Variants in XRRA1 observed in about 807,000 individuals in gnomAD.
The protein encoded by XRRA1 is X-ray radiation resistance associated 1, also known as X-ray radiation resistance-associated protein 1.
Under a neutral mutation model 80.2 loss-of-function variants are expected in XRRA1, and 69 were observed. That is an observed-to-expected ratio of 0.86 (90% CI 0.71 to 1.05). The LOEUF (loss-of-function observed/expected upper bound fraction) is 1.05. Ranked by LOEUF, XRRA1 falls within the 50% of genes least tolerant of loss-of-function variation. The pLI, the probability that XRRA1 is intolerant of heterozygous loss-of-function variation, is 0.00. For missense variants in XRRA1, 967 were observed against 976.4 expected (o/e 0.99, Z 0.13); for synonymous variants, 348 against 389.9 (o/e 0.89, Z 1.27).
At chr11:74,930,901 C>T (rs1345102692) in intron 5 of XRRA1, among the ~76,000 whole-genome samples, 1 of 151,998 alleles carries the variant, frequency 6.6e-6, no homozygotes, top group Non-Finnish European at 1.5e-5. Context: ...ACTTCCCCAG[C>T]TCGGGTGATC....
chr11:74,939,267 T>C (rs895672365), intron 3 of XRRA1, among the ~76,000 whole-genome samples: 3 of 152,048 alleles, frequency 2.0e-5, no homozygotes, highest in Non-Finnish European at 4.4e-5. Flanking sequence ...CAGGAGAATC[T>C]CTTGAACCTG....
intron 10 of XRRA1, among the ~76,000 whole-genome samples, chr11:74,897,298 C>T (rs2052552707): frequency 6.6e-6 from 1 of 151,758 alleles, no homozygotes; most frequent in Non-Finnish European, 1.5e-5. Flanking sequence ...GCTCAACAGA[C>T]TATTTGAAAA....
intron 6 of XRRA1, among the ~76,000 whole-genome samples, chr11:74,929,816 CCTAA>C (rs1943092371): frequency 6.6e-6 from 1 of 152,176 alleles, no homozygotes; most frequent in Admixed American, 6.5e-5. Context: ...CTCATCCTGA[CCTAA>C]CTATCTGTAT....
chr11:74,850,563 C>G (rs2039527231), intron 14 of XRRA1, among the ~76,000 whole-genome samples: 1 of 152,178 alleles, frequency 6.6e-6, no homozygotes, highest in South Asian at 2.1e-4. Context: ...GAGCATTTCA[C>G]AGAAATTTTT....
chr11:74,862,242 C>A (rs1194545772), intron 11 of XRRA1, among the ~76,000 whole-genome samples: 1 of 152,092 alleles, frequency 6.6e-6, no homozygotes, highest in Non-Finnish European at 1.5e-5. Flanking sequence ...TATAAGTGAG[C>A]CTTGGTGGAG....
chr11:74,908,723 T>A (rs1327657546), intron 8 of XRRA1, among the ~76,000 whole-genome samples: 1 of 151,880 alleles, frequency 6.6e-6, no homozygotes, highest in East Asian at 1.9e-4. Flanking sequence ...AAGAAGTATG[T>A]GGGGAAGGCG....
chr11:74,852,981 G>T (rs897281902), intron 12 of XRRA1, among the ~76,000 whole-genome samples: 1 of 152,192 alleles, frequency 6.6e-6, no homozygotes, highest in African/African-American at 2.4e-5. Context: ...AGCCTTACTG[G>T]ATAGCACTAG....
Position 74,882,367 on chromosome 11 carries a change from C to T in XRRA1, c.1004-19346G>A, listed in dbSNP as rs544234095. Among the ~76,000 whole-genome samples the T allele has an allele frequency of 2.6e-5, 4 of 151,068 alleles. No homozygotes were observed. The East Asian group carries it at 7.8e-4, about 29-fold the overall frequency. On this transcript the variant is annotated intron_variant, in intron 10 of 18. Transcript: ENST00000684022. ...CCTTGGTTTTCAGCTCCATCAGCTC[C>T]TTTAAGCACTTCTCTGTATTGGTTA...
At chr11:74,905,795 C>T (rs1591286914) in intron 10 of XRRA1, among the ~76,000 whole-genome samples, 2 of 152,160 alleles carry the variant, frequency 1.3e-5, no homozygotes, top group South Asian at 4.2e-4. Context: ...CTCGGAGACA[C>T]CAGCAGCCAA....
chr11:74,887,271 G>A (rs2049263281), intron 10 of XRRA1, among the ~76,000 whole-genome samples: 1 of 152,158 alleles, frequency 6.6e-6, no homozygotes, highest in African/African-American at 2.4e-5. Flanking sequence ...ACTATCAACA[G>A]AGTAAACAGA....
At chr11:74,898,769 A>G (rs976439856) in intron 10 of XRRA1, among the ~76,000 whole-genome samples, 1 of 152,186 alleles carries the variant, frequency 6.6e-6, no homozygotes, top group Non-Finnish European at 1.5e-5. Flanking sequence ...AGATATATAA[A>G]GCAAGTATTA....
At chr11:74,883,543 C>CTTAA (rs2048268486) in intron 10 of XRRA1, among the ~76,000 whole-genome samples, 1 of 151,048 alleles carries the variant, frequency 6.6e-6, no homozygotes, top group South Asian at 2.1e-4. Context: ...CAGCGGGATT[C>CTTAA]TTAATATTCA....
intron 10 of XRRA1, among the ~76,000 whole-genome samples, chr11:74,895,235 A>G (rs975048710): frequency 9.9e-5 from 15 of 152,242 alleles, no homozygotes; most frequent in African/African-American, 3.6e-4. Flanking sequence ...TGTGGTGCAG[A>G]GACAGAATCT....
chr11:74,857,439 G>A (rs1023279031), intron 12 of XRRA1, among the ~76,000 whole-genome samples: 3 of 151,722 alleles, frequency 2.0e-5, no homozygotes, highest in Non-Finnish European at 4.4e-5. Context: ...AGATATAAAT[G>A]TATCTGCATC....
At chr11:74,943,522 A>AGGGG (rs200635764) in intron 2 of XRRA1, among the ~76,000 whole-genome samples, 1 of 55,572 alleles carries the variant, frequency 1.8e-5, no homozygotes, top group African/African-American at 7.3e-5. Flanking sequence ...AGAGAGTAGG[A>AGGGG]GGGTGTGTGT....
chr11:74,885,079 C>A (rs1346310633), intron 10 of XRRA1, among the ~76,000 whole-genome samples: 1 of 151,968 alleles, frequency 6.6e-6, no homozygotes, highest in East Asian at 1.9e-4. Flanking sequence ...GCCTGGGCAA[C>A]ACAGTGAGAC....
Position 74,927,408 on chromosome 11 carries a change from C to T in XRRA1, c.505G>A (p.Asp169Asn). 1.9e-6 allele frequency: 3 copies of T among 1,611,546 alleles called. No homozygotes were observed. The highest frequency in any genetic ancestry group is 1.1e-5 in the South Asian group (1 of 90,998). Reference sequence around the variant, plus strand: ...CAACTTACTTCTAATAACTTAAAGTCTCCATATTTCACGTAGATAGTTTTG... The same window carrying T: ...CAACTTACTTCTAATAACTTAAAGTTTCCATATTTCACGTAGATAGTTTTG... ...GIKTIYVKYG[D>N]FKLLEFLDLS... Residue 169 changes from aspartate (D) to asparagine (N), a missense_variant, in exon 7 of 19, where the codon GAC becomes AAC. Coordinates refer to ENST00000684022, the MANE Select transcript of XRRA1 (RefSeq NM_001378157.1).
intron 12 of XRRA1, among the ~76,000 whole-genome samples, chr11:74,855,235 T>C (rs1175771101): frequency 2.0e-5 from 3 of 152,118 alleles, no homozygotes; most frequent in Non-Finnish European, 4.4e-5. Flanking sequence ...TAAATGACTA[T>C]AATGGTGGTC....
intron 10 of XRRA1, among the ~76,000 whole-genome samples, chr11:74,879,597 G>A (rs1414601065): frequency 1.3e-5 from 2 of 152,102 alleles, no homozygotes; most frequent in South Asian, 2.1e-4. Flanking sequence ...TATTGGCTGT[G>A]GGTTTGTCAT....
Sources: gnomAD v4.1 joint callset for allele counts (sites outside exome capture counted in the v4.1 genomes callset) on GRCh38, gnomAD v4.1.1 for gene constraint, MANE v1.5 for transcripts, NCBI Gene and HGNC (gene_info 2026-07-23, HGNC 2026-07-21) for gene names.